Variants in ZNF860 observed in about 807,000 individuals in gnomAD.
ZNF860 encodes the protein zinc finger protein 860.
For synonymous variants in ZNF860, 206 were observed against 248.9 expected, an observed-to-expected ratio of 0.83 and a Z score of 1.62; for missense variants, 641 against 759.2, an observed-to-expected ratio of 0.84 and a Z score of 1.83.
the ZNF860 span, among the ~76,000 whole-genome samples, chr3:32,001,870 A>G: frequency 1.3e-5 from 2 of 152,190 alleles, no homozygotes; most frequent in Non-Finnish European, 1.5e-5. Context: ...CTATTATCCA[A>G]TCCCAACTCT....
the ZNF860 span, among the ~76,000 whole-genome samples, chr3:32,002,623 A>G: frequency 6.6e-6 from 1 of 152,188 alleles, no homozygotes; most frequent in Non-Finnish European, 1.5e-5. Flanking sequence ...TTGGTGACTT[A>G]GATCCTCCAG....
In ZNF860 at chr3:31,985,100, G is replaced by A. The variant is rs530761071; in HGVS notation, c.-421+3198G>A. On this transcript the variant is annotated intron_variant, in intron 1 of 1. Coordinates refer to ENST00000360311, the MANE Select transcript of ZNF860 (RefSeq NM_001137674.3). ...CTAAAAATACAAAAATTAGCTGGGC[G>A]TGGTCATACACGCCTGTAGTCCCAG... 9.2e-5 allele frequency among the ~76,000 whole-genome samples: 14 copies of A among 152,246 alleles called. No individual in the cohort carries two copies. In the South Asian group the frequency reaches 2.5e-3, roughly 27 times the overall value.
In ZNF860 at chr3:31,990,255, T is replaced by C; in HGVS notation, c.1176T>C (p.His392=). ...QSTLIHHQAI[H]GIGKLYKCND... ...CACTTATTCACCATCAAGCAATCCA[T>C]GGTATAGGGAAACTTTATAAATGTA... Residue 392 remains histidine, a synonymous_variant, in exon 2 of 2, where the codon CAT becomes CAC. Coordinates refer to ENST00000360311, the MANE Select transcript of ZNF860 (RefSeq NM_001137674.3). The C allele has an allele frequency of 1.2e-6, 2 of 1,614,036 alleles. No individual in the cohort carries two copies. The highest frequency in any genetic ancestry group is 2.2e-5 in the South Asian group (2 of 91,078).
intron 1 of ZNF860, among the ~76,000 whole-genome samples, chr3:31,987,073 T>C (rs1430209709): frequency 6.6e-6 from 1 of 151,536 alleles, no homozygotes; most frequent in Non-Finnish European, 1.5e-5. Flanking sequence ...TATATGTGTA[T>C]ATATACTTTT....
chr3:31,996,861 G>C, the ZNF860 span, among the ~76,000 whole-genome samples: 1 of 152,244 alleles, frequency 6.6e-6, no homozygotes, highest in East Asian at 1.9e-4. Flanking sequence ...GTTCAGTTTT[G>C]TGAGCACTCC....
At chr3:31,999,785 T>C in the ZNF860 span, among the ~76,000 whole-genome samples, 1 of 152,106 alleles carries the variant, frequency 6.6e-6, no homozygotes, top group Non-Finnish European at 1.5e-5. Flanking sequence ...CACAGCCCGG[T>C]GAAATGAGAC....
the ZNF860 span, among the ~76,000 whole-genome samples, chr3:32,002,890 C>G: frequency 6.7e-6 from 1 of 150,156 alleles, no homozygotes; most frequent in Non-Finnish European, 1.5e-5. Context: ...CTAATTTTTA[C>G]TTTCTCTTGT....
chr3:32,006,320 G>T, the ZNF860 span, among the ~76,000 whole-genome samples: 1 of 152,124 alleles, frequency 6.6e-6, no homozygotes, highest in Non-Finnish European at 1.5e-5. Context: ...TACACTTTGT[G>T]TATTTTTCTG....
At chr3:31,994,193 T>A (rs72854171), downstream of ZNF860, among the ~76,000 whole-genome samples, 1,406 of 151,734 alleles carry the variant, frequency 9.3e-3, 25 homozygotes, top group African/African-American at 0.032. Flanking sequence ...AGGAACAGAG[T>A]TGAGAGTAGT....
rs1699001931 is a variant in ZNF860 at position 31,990,027 on chromosome 3, T to G, written c.948T>G (p.Cys316Trp). The change falls in exon 2 of 2, where the codon TGT becomes TGG. Residue 316 changes from cysteine (C) to tryptophan (W), a missense_variant. Cys to Trp is a radical substitution (Grantham distance 215). Coordinates refer to ENST00000360311, the MANE Select transcript of ZNF860 (RefSeq NM_001137674.3). ...RLHTGEKPYK[C>W]EECDKVFSRK... The stretch of plus-strand genomic sequence containing the variant: ...ATACTGGAGAGAAACCTTACAAATG[T>G]GAAGAATGTGACAAAGTTTTTAGTC... The G allele has an allele frequency of 6.2e-7, 1 of 1,614,034 alleles. No homozygotes were observed. The highest frequency in any genetic ancestry group is 1.7e-5 in the Admixed American group (1 of 60,006).
downstream of ZNF860, among the ~76,000 whole-genome samples, chr3:31,994,360 C>T (rs1029920619): frequency 6.6e-6 from 1 of 152,040 alleles, no homozygotes; most frequent in African/African-American, 2.4e-5. Flanking sequence ...CATAGACTGT[C>T]CACCAAAAAT....
At position 31,988,926 on chromosome 3, in the gene ZNF860, C is replaced by T. The variant is rs1025906523; in HGVS notation, c.-154C>T. ...ACCCAGCTGAAGTGCCTCCAAACCC[C>T]GACCCACAGCGACTGTGAGATAATC... is the stretch of plus-strand genomic sequence containing the variant. On this transcript the variant is annotated 5_prime_UTR_variant, in exon 2 of 2. Transcript: ENST00000360311. The T allele has an allele frequency of 1.4e-5, 14 of 1,006,582 alleles. No individual in the cohort carries two copies. Among genetic ancestry groups the T allele is most frequent in the East Asian group, 5.2e-5 (2 of 38,398 alleles). 62.4% of individuals were successfully genotyped at this position (1,006,582 alleles called of 1,614,324 possible).
chr3:31,991,739 G>A (rs1699032708), downstream of ZNF860: 1 of 154,500 alleles, frequency 6.5e-6, no homozygotes, highest in Admixed American at 6.6e-5. Context: ...AACTAATACA[G>A]ATGCCTACCC....
chr3:31,999,125 G>C, the ZNF860 span, among the ~76,000 whole-genome samples: 1 of 152,142 alleles, frequency 6.6e-6, no homozygotes, highest in Non-Finnish European at 1.5e-5. Flanking sequence ...TTGATCAGCT[G>C]TCTCCCCTCT....
At chr3:31,996,667 C>T (rs1212576324), downstream of ZNF860, among the ~76,000 whole-genome samples, 4 of 152,068 alleles carry the variant, frequency 2.6e-5, no homozygotes, top group African/African-American at 4.8e-5. Context: ...CGGGTGCTGA[C>T]GTTTCTTTTT....
Position 31,988,667 on chromosome 3 carries a change from A to T in ZNF860, c.-413A>T, listed in dbSNP as rs952767769. 2 of 205,560 alleles carry T rather than the reference A, an allele frequency of 9.7e-6. No homozygotes were observed. Among genetic ancestry groups the T allele is most frequent in the Admixed American group, 5.2e-5 (1 of 19,140 alleles). 12.7% of individuals were successfully genotyped at this position (205,560 alleles called of 1,614,324 possible). ...CTCTCTCTCTATCATCAGTCACTCTAGGAAAGCCAGCTGCCATGACATAAG... is the reference window on the plus strand; with the variant it reads ...CTCTCTCTCTATCATCAGTCACTCTTGGAAAGCCAGCTGCCATGACATAAG... On this transcript the variant is annotated 5_prime_UTR_variant, in exon 2 of 2. Coordinates refer to ENST00000360311, the MANE Select transcript of ZNF860 (RefSeq NM_001137674.3).
chr3:31,991,756 A>C (rs11718700), downstream of ZNF860: 52,901 of 153,330 alleles, frequency 0.35, 12,798 homozygotes, highest in African/African-American at 0.68. Context: ...ACCCTGAAAC[A>C]TGCCATTTTT....
the ZNF860 span, among the ~76,000 whole-genome samples, chr3:31,997,302 G>A: frequency 6.7e-6 from 1 of 150,366 alleles, no homozygotes; most frequent in Non-Finnish European, 1.5e-5. Context: ...CCCTCACTCT[G>A]TCGCCAGGCT....
the ZNF860 span, among the ~76,000 whole-genome samples, chr3:32,001,187 C>T: frequency 6.6e-6 from 1 of 152,142 alleles, no homozygotes; most frequent in Admixed American, 6.5e-5. Flanking sequence ...GGGTTCTGTG[C>T]TTGCAACCAA....
Sources: allele counts gnomAD v4.1 joint callset (sites outside exome capture counted in the v4.1 genomes callset), GRCh38; gene constraint gnomAD v4.1.1; transcripts MANE v1.5; gene names NCBI Gene and HGNC (gene_info 2026-07-23, HGNC 2026-07-21).